Variants in FBN3 observed in about 807,000 individuals in gnomAD.
FBN3 encodes fibrillin-3.
FBN3 carries 234 observed loss-of-function variants against 330.1 expected under a neutral mutation model. The observed-to-expected ratio is 0.71, with a 90% CI of 0.64 to 0.79. FBN3 has a LOEUF of 0.79. FBN3 is among the 30% of genes least tolerant of loss of function. FBN3 has a pLI of 0.00. For synonymous variants in FBN3, 1,458 were observed against 1,517.3 expected, an observed-to-expected ratio of 0.96 and a Z score of 0.91; for missense variants, 3,606 against 3,886.9, an observed-to-expected ratio of 0.93 and a Z score of 1.92.
chr19:8,081,136 C>A lies in FBN3; in HGVS notation c.7337-17G>T, dbSNP rs369060183. ...CGTCCAGGTCTGCAGCACGGATGGTCCAGCAGGCTCAGGGCAGGGCCCAGT... is the reference window on the plus strand; with the variant it reads ...CGTCCAGGTCTGCAGCACGGATGGTACAGCAGGCTCAGGGCAGGGCCCAGT... On this transcript the variant is annotated splice_polypyrimidine_tract_variant and intron_variant, in intron 58 of 63. Coordinates refer to ENST00000600128, the MANE Select transcript of FBN3 (RefSeq NM_032447.5). The A allele has an allele frequency of 1.2e-6, 2 of 1,605,274 alleles. No homozygotes were observed. Among genetic ancestry groups the A allele is most frequent in the Non-Finnish European group, 1.7e-6 (2 of 1,172,600 alleles).
chr19:8,087,536 CTA>C (rs1382723200), intron 53 of FBN3, among the ~76,000 whole-genome samples: 1 of 151,724 alleles, frequency 6.6e-6, no homozygotes, highest in African/African-American at 2.4e-5. Context: ...ACGCTTGACA[CTA>C]TGAACATTTG....
chr19:8,071,682 T>A (rs544357644), intron 63 of FBN3, among the ~76,000 whole-genome samples: 174 of 152,164 alleles, frequency 1.1e-3, no homozygotes, highest in African/African-American at 4.1e-3. Context: ...GGGTGACAGA[T>A]TCCAGGGTGC....
chr19:8,111,021 C>A, intron 33 of FBN3, 37 bp downstream of exon 33: 1 of 1,613,852 alleles, frequency 6.2e-7, no homozygotes, highest in Non-Finnish European at 8.5e-7. Context: ...GGGGGACCTA[C>A]CCACTCTGTC....
At chr19:8,085,936 G>A (rs1568370527) in intron 55 of FBN3, among the ~76,000 whole-genome samples, 1 of 149,670 alleles carries the variant, frequency 6.7e-6, no homozygotes, top group Non-Finnish European at 1.5e-5. Flanking sequence ...CAGTGCCGCA[G>A]GCCCCGTCCC....
chr19:8,086,358 G>A (rs1371891283), intron 54 of FBN3, 33 bp from the exon 55 acceptor site: 2 of 1,560,092 alleles, frequency 1.3e-6, no homozygotes, highest in Non-Finnish European at 1.7e-6. Context: ...GGTGGGCGGG[G>A]AGGCCACAGG....
At position 8,087,154 on chromosome 19, in the gene FBN3, T is replaced by C. The variant is rs772727848; in HGVS notation, c.6677A>G (p.Lys2226Arg). 5 of 1,610,016 alleles carry C rather than the reference T, an allele frequency of 3.1e-6. No individual in the cohort carries two copies. Among genetic ancestry groups the C allele is most frequent in the Non-Finnish European group, 3.4e-6 (4 of 1,179,128 alleles). ...QDCHARGMEC[K>R]NLIGTFACVC... ...GCACGCGAAGGTACCGATGAGGTTC[T>C]TGCACTCCATGCCCCGGGCGTGGCA... The change falls in exon 54 of 64, where the codon AAG (lysine) becomes AGG (arginine). Residue 2226 changes from lysine to arginine, a missense_variant. Transcript: ENST00000600128.
chr19:8,102,963 T>C, intron 39 of FBN3, 90 bp from the exon 40 acceptor site: 1 of 1,343,722 alleles, frequency 7.4e-7, no homozygotes, highest in Non-Finnish European at 1.1e-6. Context: ...CCTTAACTGA[T>C]TCATTTGAAG....
rs1270758817 is a variant in FBN3, at chr19:8,072,076, G to A, written c.8060C>T (p.Pro2687Leu). The change falls in exon 63 of 64, where the codon CCA becomes CTA. Residue 2687 changes from proline (P) to leucine (L), a missense_variant. Transcript: ENST00000600128. ...GTGGTCCCTGTGGGCACTGCGTCGT[G>A]GCCGGTCCCGAGGGGAGAGGCCATT... ...KINGLSPRDR[P>L]RRSAHRDHQV... is the part of the protein sequence containing the mutation. 1.2e-6 allele frequency: 2 copies of A among 1,612,650 alleles called. No homozygotes were observed. The highest frequency in any genetic ancestry group is 2.2e-5 in the South Asian group (2 of 91,050).
chr19:8,103,442 G>A (rs3865463), intron 39 of FBN3, 120 bp downstream of exon 39: 856,789 of 1,042,594 alleles, frequency 0.82, 360,371 homozygotes, highest in Non-Finnish European at 0.87. Flanking sequence ...ACTGCCACAT[G>A]TCAGCACTTC....
intron 30 of FBN3, among the ~76,000 whole-genome samples, chr19:8,114,990 T>G (rs2082674709): frequency 6.6e-6 from 1 of 152,112 alleles, no homozygotes; most frequent in African/African-American, 2.4e-5. Context: ...TGCCCCAGCC[T>G]CCCGAGTAGC....
chr19:8,126,544 C>T lies in FBN3; in HGVS notation c.2478G>A (p.Gln826=), dbSNP rs1328758899. 6 of 1,612,938 alleles carry T rather than the reference C, an allele frequency of 3.7e-6. No homozygotes were observed. Among genetic ancestry groups the T allele is most frequent in the Non-Finnish European group, 5.1e-6 (6 of 1,179,946 alleles). The change falls in exon 20 of 64, where the codon CAG becomes CAA. Residue 826 remains glutamine (Q), a synonymous_variant. Transcript: ENST00000600128. ...AGCACTCAGACCGCAGGCTGGCTCC[C>T]TGAAGGTTCACCTCACAGCGGCTCT... ...IQESRCEVNL[Q]GASLRSECCA...
intron 18 of FBN3, among the ~76,000 whole-genome samples, chr19:8,127,376 C>T (rs1448638591): frequency 1.3e-5 from 2 of 152,080 alleles, no homozygotes. Context: ...TGTATTCTTA[C>T]TCTCACCTTC....
intron 24 of FBN3, among the ~76,000 whole-genome samples, chr19:8,122,484 G>A (rs941247129): frequency 2.7e-4 from 40 of 149,552 alleles, no homozygotes; most frequent in African/African-American, 9.4e-4. Context: ...CTCCTGCCTC[G>A]GCCTCCCGAG....
At chr19:8,143,840 G>C (rs567381939) in intron 6 of FBN3, among the ~76,000 whole-genome samples, 1 of 145,362 alleles carries the variant, frequency 6.9e-6, no homozygotes, top group East Asian at 2.0e-4. Flanking sequence ...TTAAGAGACA[G>C]AGGGTCTGGT....
chr19:8,135,936 G>GGGGGGGGGCCCCCCCCCCCCCCC, intron 13 of FBN3, 25 bp downstream of exon 13: 1 of 668,774 alleles, frequency 1.5e-6, no homozygotes, highest in African/African-American at 2.0e-5. Context: ...GGAAGCCCCT[G>GGGGGGGGGCCCCCCCCCCCCCCC]CCCACCCGCC....
chr19:8,124,903 C>T (rs1355185693), intron 22 of FBN3, among the ~76,000 whole-genome samples: 3 of 152,166 alleles, frequency 2.0e-5, no homozygotes, highest in Non-Finnish European at 2.9e-5. Context: ...CGTCATTATA[C>T]GTTCGTCCAA....
chr19:8,125,449 T>C (rs2082954644), intron 22 of FBN3, among the ~76,000 whole-genome samples: 1 of 150,880 alleles, frequency 6.6e-6, no homozygotes, highest in Middle Eastern at 3.4e-3. Context: ...CAAATGTCTT[T>C]CATGATATGT....
At position 8,077,101 on chromosome 19, in the gene FBN3, C is replaced by T. The variant is rs528729662; in HGVS notation, c.7454-1690G>A. 1.1e-3 allele frequency among the ~76,000 whole-genome samples: 170 copies of T among 152,312 alleles called. 1 individual carries two copies. The highest frequency in any genetic ancestry group is 3.8e-3 in the African/African-American group (159 of 41,572). On this transcript the variant is annotated intron_variant, in intron 59 of 63. Coordinates refer to ENST00000600128, the MANE Select transcript of FBN3 (RefSeq NM_032447.5). ...TTGAATTTGCTAAATCCCACACTTG[C>T]AGTCTATGGTATTTTGTTATGGCAG...
In FBN3 at chr19:8,110,977, C is replaced by A. The variant is rs1449738783; in HGVS notation, c.4211-10G>T. 1.2e-6 allele frequency: 2 copies of A among 1,614,114 alleles called. No individual in the cohort carries two copies. ...GCACACTCGTCCACATCTGCGGGGA[C>A]CCTGGGTCAGCCTGCCCCACCCAGA... On this transcript the variant is annotated splice_polypyrimidine_tract_variant and intron_variant, in intron 33 of 63. Coordinates refer to ENST00000600128, the MANE Select transcript of FBN3 (RefSeq NM_032447.5).
Sources: gnomAD v4.1 joint callset for allele counts (sites outside exome capture counted in the v4.1 genomes callset) on GRCh38, gnomAD v4.1.1 for gene constraint, MANE v1.5 for transcripts, NCBI Gene and HGNC (gene_info 2026-07-23, HGNC 2026-07-21) for gene names.